The following SPTBN4 variants were observed in gnomAD, a reference collection of about 807,000 sequenced individuals.
SPTBN4 encodes spectrin beta, non-erythrocytic 4.
SPTBN4 carries 96 observed loss-of-function variants against 277.8 expected under a neutral mutation model. That is an observed-to-expected ratio of 0.35 (90% CI 0.29 to 0.41). The LOEUF is 0.41. Ranked by LOEUF, SPTBN4 falls within the 10% of genes least tolerant of loss-of-function variation. The pLI, the probability that SPTBN4 is intolerant of heterozygous loss-of-function variation, is 1.00. For synonymous variants in SPTBN4, 1,481 were observed against 1,580.3 expected, an observed-to-expected ratio of 0.94 and a Z score of 1.49; for missense variants, 3,006 against 3,595.7, an observed-to-expected ratio of 0.84 and a Z score of 4.19.
rs1434639441 is a variant in SPTBN4 at position 40,522,348 on chromosome 19, A to T, written c.3655-1089A>T. The stretch of plus-strand genomic sequence containing the variant: ...CAGCCTTCAGTCTTCATAGTAACCA[A>T]TTTTTTTTTTTTTTTTTTTTGAGAT... On this transcript the variant is annotated intron_variant, in intron 16 of 35. Coordinates refer to ENST00000598249, the MANE Select transcript of SPTBN4 (RefSeq NM_020971.3). Among the ~76,000 whole-genome samples the T allele has an allele frequency of 1.4e-4, 16 of 117,696 alleles. No individual in the cohort carries two copies. In the South Asian group the frequency reaches 3.4e-3, roughly 25 times the overall value. The allele number at this position is 117,696 out of a possible 152,430, so 77.2% of individuals were successfully genotyped here.
intron 2 of SPTBN4, among the ~76,000 whole-genome samples, chr19:40,475,145 G>A (rs2079933051): frequency 6.6e-6 from 1 of 152,012 alleles, no homozygotes; most frequent in African/African-American, 2.4e-5. Context: ...TTAGTACTTA[G>A]TATTCATAGA....
intron 2 of SPTBN4, among the ~76,000 whole-genome samples, chr19:40,475,914 C>T (rs917124654): frequency 9.2e-5 from 14 of 151,822 alleles, no homozygotes; most frequent in African/African-American, 2.2e-4. Flanking sequence ...GGTGTGGTGG[C>T]GCATGCCTGT....
intron 6 of SPTBN4, 56 bp downstream of exon 6, chr19:40,495,033 A>G (rs2145835770): frequency 6.6e-7 from 1 of 1,522,898 alleles, no homozygotes; most frequent in Non-Finnish European, 9.1e-7. Flanking sequence ...ATATCCCTGC[A>G]GCTGCACACC....
In SPTBN4 at chr19:40,519,541, G is replaced by A. The variant is rs771432911; in HGVS notation, c.3044G>A (p.Arg1015Gln). ...EKRRAVESAP[R>Q]AGGALQWRLS... is the part of the protein sequence containing the mutation. Reference sequence around the variant, plus strand: ...CGGAGAGCTGTGGAGAGCGCGCCCCGGGCCGGCGGCGCCCTGCAGTGGCGT... The same window carrying A: ...CGGAGAGCTGTGGAGAGCGCGCCCCAGGCCGGCGGCGCCCTGCAGTGGCGT... Residue 1015 changes from arginine to glutamine, a missense_variant, in exon 16 of 36, where the codon CGG (arginine) becomes CAG (glutamine). This residue lies in a region of SPTBN4 where 1,759 missense variants were observed against 2,061.5 expected (regional missense o/e 0.85). Coordinates refer to ENST00000598249, the MANE Select transcript of SPTBN4 (RefSeq NM_020971.3). This position sits in a 1 kb window ranked among gnomAD's most constrained non-coding sequence, Gnocchi z 5.7. 2 of 1,582,338 alleles carry A rather than the reference G, an allele frequency of 1.3e-6. No homozygotes were observed. Among genetic ancestry groups the A allele is most frequent in the South Asian group, 1.1e-5 (1 of 87,702 alleles).
chr19:40,572,614 C>A, intron 35 of SPTBN4: 1 of 568,118 alleles, frequency 1.8e-6, no homozygotes, highest in Non-Finnish European at 3.2e-6. Flanking sequence ...AGTCCAACAT[C>A]TTTGCCGTGG....
Position 40,567,970 on chromosome 19 carries a change from C to A in SPTBN4, c.6644C>A (p.Ala2215Glu). Residue 2215 changes from alanine (A) to glutamate (E), a missense_variant, in exon 31 of 36, where the codon GCG (alanine) becomes GAG (glutamate). Ala to Glu is a moderately radical substitution (Grantham distance 107). This residue lies in a region of SPTBN4 where 630 missense variants were observed against 677.6 expected (regional missense o/e 0.93). Coordinates refer to ENST00000598249, the MANE Select transcript of SPTBN4 (RefSeq NM_020971.3). ...CTGCCGGCCGCACCAGAGGACGCGGCGGAGACCCCCGCGACCCCCGCGGCG... is the reference window on the plus strand; with the variant it reads ...CTGCCGGCCGCACCAGAGGACGCGGAGGAGACCCCCGCGACCCCCGCGGCG... Reference protein sequence around the residue: ...AALPAAPEDAAETPATPAAAE... With the variant: ...AALPAAPEDAEETPATPAAAE... 6.7e-7 allele frequency: 1 copy of A among 1,499,498 alleles called. No homozygotes were observed. The highest frequency in any genetic ancestry group is 8.8e-7 in the Non-Finnish European group (1 of 1,130,550). 92.9% of individuals were successfully genotyped at this position (1,499,498 alleles called of 1,614,324 possible). A position where few individuals can be genotyped will look rare whatever the true frequency, so the allele number is the denominator to read the frequency against.
Position 40,523,535 on chromosome 19 carries a change from C to T in SPTBN4, c.3753C>T (p.Ser1251=), listed in dbSNP as rs375949579. ...HRDFLTTMEL[S]QQKMQVAVQA... Reference sequence around the variant, plus strand: ...ACTTTCTCACCACCATGGAGCTGAGCCAGCAAAAGATGCAGGTGGCCGTGC... The same window carrying T: ...ACTTTCTCACCACCATGGAGCTGAGTCAGCAAAAGATGCAGGTGGCCGTGC... Residue 1251 remains serine (S), a synonymous_variant, in exon 17 of 36, where the codon AGC becomes AGT. Coordinates refer to ENST00000598249, the MANE Select transcript of SPTBN4 (RefSeq NM_020971.3). The T allele has an allele frequency of 3.1e-6, 5 of 1,614,050 alleles. No homozygotes were observed. In the African/African-American group the frequency reaches 4.0e-5, roughly 13 times the overall value.
chr19:40,473,354 G>GT (rs61584591), intron 2 of SPTBN4, among the ~76,000 whole-genome samples: 5,404 of 98,974 alleles, frequency 0.055, 255 homozygotes, highest in Non-Finnish European at 0.08. Flanking sequence ...CTGGCCTGGT[G>GT]TTTTTTTTTT....
In SPTBN4 at chr19:40,556,091, A is replaced by T. The variant is rs1268741138; in HGVS notation, c.5092A>T (p.Ile1698Phe). 1 of 1,610,748 alleles carries T rather than the reference A, an allele frequency of 6.2e-7. No homozygotes were observed. Among genetic ancestry groups the T allele is most frequent in the Non-Finnish European group, 8.5e-7 (1 of 1,179,220 alleles). ...CTCCATGTCCCCCTTCAGCGAGCAG[A>T]TCAGCCGGCGGCAGTCTCAGGTGGA... is the stretch of plus-strand genomic sequence containing the variant. Reference protein sequence around the residue: ...LEMGHPDSEQISRRQSQVDRL... With the variant: ...LEMGHPDSEQFSRRQSQVDRL... The change falls in exon 25 of 36, where the codon ATC becomes TTC. Residue 1698 changes from isoleucine to phenylalanine, a missense_variant. Physicochemically the swap from Ile to Phe is conservative, Grantham distance 21. This residue lies in a region of SPTBN4 where 425 missense variants were observed against 594.7 expected (regional missense o/e 0.71). Transcript: ENST00000598249.
chr19:40,470,081 C>T (rs548493875), intron 1 of SPTBN4, among the ~76,000 whole-genome samples: 19 of 152,222 alleles, frequency 1.2e-4, no homozygotes, highest in African/African-American at 4.3e-4. Flanking sequence ...TCACTGCAAC[C>T]TCTGTCTCCC....
chr19:40,561,200 A>G (rs927201192), intron 27 of SPTBN4, among the ~76,000 whole-genome samples: 1 of 152,040 alleles, frequency 6.6e-6, no homozygotes, highest in Admixed American at 6.6e-5. Flanking sequence ...TTTAGTAGAG[A>G]AAGGGTTTCA....
intron 21 of SPTBN4, 54 bp from the exon 22 acceptor site, chr19:40,550,184 G>A (rs1250342615): frequency 2.9e-5 from 44 of 1,495,044 alleles, no homozygotes; most frequent in Non-Finnish European, 3.6e-5. Context: ...TAGTTGCGAT[G>A]CAGGGGTTCT....
In SPTBN4 at chr19:40,560,400, C is replaced by A; in HGVS notation, c.5912C>A (p.Pro1971His). The A allele has an allele frequency of 1.2e-6, 2 of 1,614,084 alleles. No homozygotes were observed. The highest frequency in any genetic ancestry group is 1.7e-6 in the Non-Finnish European group (2 of 1,180,032). ...IASQIGAADK[P>H]RDVSSVEVLM... ...AGCCAGATTGGGGCAGCCGACAAGCCCAGGTGCCCCTCATCCCTCCTCGGG... is the reference window on the plus strand; with the variant it reads ...AGCCAGATTGGGGCAGCCGACAAGCACAGGTGCCCCTCATCCCTCCTCGGG... Residue 1971 changes from proline to histidine, a missense_variant, in exon 27 of 36, where the codon CCC becomes CAC. Around this residue, in one of 5 missense-constraint regions of SPTBN4, gnomAD observed 425 missense variants for 594.7 expected, o/e 0.71. Transcript: ENST00000598249. This position sits in a 1 kb window ranked among gnomAD's most constrained non-coding sequence, Gnocchi z 5.2.
rs1456176980 is a variant in SPTBN4, at chr19:40,554,111, C to G, written c.4675-36C>G. 5.7e-6 allele frequency: 8 copies of G among 1,408,674 alleles called. No homozygotes were observed. Among genetic ancestry groups the G allele is most frequent in the Non-Finnish European group, 7.3e-6 (8 of 1,093,752 alleles). 87.3% of individuals were successfully genotyped at this position (1,408,674 alleles called of 1,614,324 possible). ...GGTCTTGCAGGGCCTCGGAACGCCCCCTCTCCACCCACATCCCCTTACCTC... is the reference window on the plus strand; with the variant it reads ...GGTCTTGCAGGGCCTCGGAACGCCCGCTCTCCACCCACATCCCCTTACCTC... On this transcript the variant is annotated intron_variant, in intron 22 of 35. Transcript: ENST00000598249. The surrounding 1 kb of genome is among the most constrained non-coding windows in gnomAD (Gnocchi z 5.7).
At chr19:40,486,429 G>A (rs935990602) in intron 2 of SPTBN4, among the ~76,000 whole-genome samples, 7 of 151,720 alleles carry the variant, frequency 4.6e-5, no homozygotes, top group African/African-American at 1.7e-4. Flanking sequence ...GAGTGCAGTG[G>A]CATGAGCACA....
At chr19:40,529,223 C>G in intron 18 of SPTBN4, 92 bp downstream of exon 18, 1 of 1,244,168 alleles carries the variant, frequency 8.0e-7, no homozygotes, top group Admixed American at 1.9e-5. Flanking sequence ...GACGCCCCGT[C>G]TAAGTGGGTC....
At position 40,556,270 on chromosome 19, in the gene SPTBN4, G is replaced by A. The variant is rs2080977972; in HGVS notation, c.5271G>A (p.Gln1757=). 2 of 1,613,108 alleles carry A rather than the reference G, an allele frequency of 1.2e-6. No homozygotes were observed. Among genetic ancestry groups the A allele is most frequent in the African/African-American group, 1.3e-5 (1 of 74,886 alleles). ...EVVAGSPELG[Q]DFEHVSVLQE... is the part of the protein sequence containing the mutation. ...TGGCTGGCTCACCCGAGCTCGGCCAGGACTTTGAGCATGTCTCGGTGAGCA... is the reference window on the plus strand; with the variant it reads ...TGGCTGGCTCACCCGAGCTCGGCCAAGACTTTGAGCATGTCTCGGTGAGCA... Residue 1757 remains glutamine (Q), a synonymous_variant, in exon 25 of 36, where the codon CAG becomes CAA. Coordinates refer to ENST00000598249, the MANE Select transcript of SPTBN4 (RefSeq NM_020971.3).
intron 1 of SPTBN4, among the ~76,000 whole-genome samples, chr19:40,467,632 G>T (rs1263650540): frequency 6.6e-6 from 1 of 151,890 alleles, no homozygotes; most frequent in African/African-American, 2.4e-5. Flanking sequence ...GCGGGGGGGG[G>T]GGGGTGTTGG....
At chr19:40,483,836 C>T (rs968559258) in intron 2 of SPTBN4, among the ~76,000 whole-genome samples, 1 of 152,160 alleles carries the variant, frequency 6.6e-6, no homozygotes, top group Non-Finnish European at 1.5e-5. Flanking sequence ...CCTGTCTGTA[C>T]TAATAACTGG....
Sources: gnomAD v4.1 joint callset for allele counts (sites outside exome capture counted in the v4.1 genomes callset) on GRCh38, gnomAD v4.1.1 for gene constraint, gnomAD v4.1.1 regional missense constraint, Gnocchi (gnomAD v3.1) non-coding constraint, MANE v1.5 for transcripts, NCBI Gene and HGNC (gene_info 2026-07-23, HGNC 2026-07-21) for gene names.